PDCD6IP: variants seen among roughly 807,000 people sequenced by gnomAD.
PDCD6IP encodes the protein programmed cell death 6 interacting protein.
Under a neutral mutation model 103.7 loss-of-function variants are expected in PDCD6IP, and 43 were observed. The observed-to-expected ratio is 0.41, with a 90% CI of 0.32 to 0.53. The LOEUF (loss-of-function observed/expected upper bound fraction) is 0.53, where lower values mean the gene tolerates loss of function less well. PDCD6IP is among the 20% of genes least tolerant of loss of function. The pLI is 0.16. For synonymous variants in PDCD6IP, 354 were observed against 378.7 expected (o/e 0.93, Z 0.76); for missense variants, 871 against 1,036.7 (o/e 0.84, Z 2.20).
At chr3:33,865,461 G>T in intron 17 of PDCD6IP, 31 bp downstream of exon 17, 1 of 1,547,402 alleles carries the variant, frequency 6.5e-7, no homozygotes, top group South Asian at 1.3e-5. Flanking sequence ...ATCCCAAGTT[G>T]GCTAATGTTG....
intron 15 of PDCD6IP, among the ~76,000 whole-genome samples, chr3:33,861,678 A>G (rs888000214): frequency 2.6e-5 from 4 of 152,230 alleles, no homozygotes; most frequent in African/African-American, 7.2e-5. Flanking sequence ...CTAGCAATAT[A>G]TGAGAGTCCT....
In PDCD6IP at chr3:33,828,548, T is replaced by A. The variant is rs186008665; in HGVS notation, c.718-305T>A. 66 of 195,220 alleles carry A rather than the reference T, an allele frequency of 3.4e-4. No individual in the cohort carries two copies. In the East Asian group the frequency reaches 6.1e-3, roughly 18 times the overall value. 12.1% of individuals were successfully genotyped at this position (195,220 alleles called of 1,614,324 possible). A position where few individuals can be genotyped will look rare whatever the true frequency, so the allele number is the denominator to read the frequency against. On this transcript the variant is annotated intron_variant, in intron 6 of 17. Transcript: ENST00000307296. ...CTCTTTCTAATAATGCATGCTTTTC[T>A]TTTTGTAAACAAAATGTTGACTTCA...
chr3:33,810,530 G>A (rs1559772535), intron 1 of PDCD6IP, among the ~76,000 whole-genome samples: 1 of 152,186 alleles, frequency 6.6e-6, no homozygotes, highest in Non-Finnish European at 1.5e-5. Context: ...GGCAGTAGGT[G>A]TGCTTATTGC....
At chr3:33,833,822 G>C (rs1697290404) in intron 7 of PDCD6IP, among the ~76,000 whole-genome samples, 1 of 152,090 alleles carries the variant, frequency 6.6e-6, no homozygotes. Context: ...GTTTGAATGA[G>C]ATTGATTTTG....
intron 15 of PDCD6IP, among the ~76,000 whole-genome samples, chr3:33,862,621 T>C (rs116054098): frequency 0.015 from 2,335 of 152,328 alleles, 25 homozygotes; most frequent in South Asian, 0.026. Flanking sequence ...GGTGATGTGT[T>C]ATCTTTTAAT....
Position 33,857,887 on chromosome 3 carries a change from A to C in PDCD6IP, c.2120+2627A>C, listed in dbSNP as rs538079476. 3.6e-3 allele frequency among the ~76,000 whole-genome samples: 549 copies of C among 152,362 alleles called. 6 individuals are homozygous for C. The highest frequency in any genetic ancestry group is 5.3e-3 in the Non-Finnish European group (361 of 68,034). On this transcript the variant is annotated intron_variant, in intron 15 of 17. Coordinates refer to ENST00000307296, the MANE Select transcript of PDCD6IP (RefSeq NM_013374.6). ...AACAGTTCCCTCTGAAGTCAAGAAC[A>C]GACAACAAATGTCACTGTCAGCACT... is the stretch of plus-strand genomic sequence containing the variant.
intron 4 of PDCD6IP, 58 bp from the exon 5 acceptor site, chr3:33,825,129 C>T (rs1697087527): frequency 1.4e-6 from 2 of 1,404,598 alleles, no homozygotes; most frequent in South Asian, 2.5e-5. Flanking sequence ...TTATATGTAA[C>T]AGTAGGAAAT....
At chr3:33,836,692 CA>C (rs199714705) in intron 8 of PDCD6IP, among the ~76,000 whole-genome samples, 41,100 of 125,280 alleles carry the variant, frequency 0.33, 6,252 homozygotes, top group Admixed American at 0.42. Context: ...CTGTCTCTAC[CA>C]AAAAAAAAAA....
chr3:33,841,184 C>T (rs1391272481), intron 9 of PDCD6IP, among the ~76,000 whole-genome samples: 3 of 151,776 alleles, frequency 2.0e-5, no homozygotes, highest in Non-Finnish European at 4.4e-5. Flanking sequence ...CTCACCACTA[C>T]GCCTGACTAA....
chr3:33,810,816 A>G (rs942153847), intron 1 of PDCD6IP, among the ~76,000 whole-genome samples: 4 of 152,144 alleles, frequency 2.6e-5, no homozygotes, highest in Non-Finnish European at 5.9e-5. Flanking sequence ...TAAACAAACA[A>G]AAAAAGTTCA....
intron 15 of PDCD6IP, among the ~76,000 whole-genome samples, chr3:33,862,283 C>G (rs968688177): frequency 3.4e-5 from 5 of 146,650 alleles, no homozygotes; most frequent in African/African-American, 1.3e-4. Flanking sequence ...TTCTTTATGT[C>G]TGGAGTGACT....
chr3:33,816,458 T>C (rs1373391567), intron 3 of PDCD6IP, among the ~76,000 whole-genome samples: 1 of 148,788 alleles, frequency 6.7e-6, no homozygotes, highest in Non-Finnish European at 1.5e-5. Flanking sequence ...TGAGCTGAGA[T>C]TGTGCCATTG....
intron 7 of PDCD6IP, among the ~76,000 whole-genome samples, chr3:33,830,908 T>G (rs145030969): frequency 6.3e-4 from 96 of 152,276 alleles, no homozygotes; most frequent in Middle Eastern, 3.4e-3. Context: ...CTGACGGAGA[T>G]CTTAGGAGGT....
chr3:33,826,450 T>C, intron 5 of PDCD6IP, 30 bp from the exon 6 acceptor site: 1 of 1,491,804 alleles, frequency 6.7e-7, no homozygotes, highest in Non-Finnish European at 9.2e-7. Context: ...TCATATTTAT[T>C]TTAATTATAA....
chr3:33,861,073 A>G lies in PDCD6IP; in HGVS notation c.2121-2933A>G, dbSNP rs931915148. ...AGTATGTCCAAAGTATTATTTTAAC[A>G]TATAATCAATGTAAAATTACAAATG... On this transcript the variant is annotated intron_variant, in intron 15 of 17. Transcript: ENST00000307296. 4.0e-5 allele frequency among the ~76,000 whole-genome samples: 6 copies of G among 151,674 alleles called. No individual in the cohort carries two copies. The East Asian group carries it at 1.2e-3, about 29-fold the overall frequency.
chr3:33,844,050 A>C (rs1697534699), intron 10 of PDCD6IP, 62 bp from the exon 11 acceptor site: 1 of 966,660 alleles, frequency 1.0e-6, no homozygotes. Flanking sequence ...ACATTTATTA[A>C]ATGTATTAAA....
At chr3:33,860,288 GAT>G (rs1413752663) in intron 15 of PDCD6IP, among the ~76,000 whole-genome samples, 8 of 152,176 alleles carry the variant, frequency 5.3e-5, no homozygotes, top group Non-Finnish European at 8.8e-5. Context: ...GTGAATGAAA[GAT>G]GGAAAAGTAG....
At chr3:33,839,411 G>C (rs1396524865) in intron 9 of PDCD6IP, among the ~76,000 whole-genome samples, 22 of 152,032 alleles carry the variant, frequency 1.4e-4, no homozygotes, top group Non-Finnish European at 3.1e-4. Flanking sequence ...TATATTATGT[G>C]TATCAGTTTC....
At chr3:33,806,106 A>C (rs1170978440) in intron 1 of PDCD6IP, among the ~76,000 whole-genome samples, 2 of 152,036 alleles carry the variant, frequency 1.3e-5, no homozygotes, top group Non-Finnish European at 2.9e-5. Context: ...AAAGAAATGT[A>C]TTTATTTCCT....
Sources: gnomAD v4.1 joint callset for allele counts (sites outside exome capture counted in the v4.1 genomes callset) on GRCh38, gnomAD v4.1.1 for gene constraint, MANE v1.5 for transcripts, NCBI Gene and HGNC (gene_info 2026-07-23, HGNC 2026-07-21) for gene names.